PALLD: variants seen among roughly 807,000 people sequenced by gnomAD.
The protein encoded by PALLD is palladin, cytoskeletal associated protein, also known as palladin.
A neutral mutation model predicts 123.5 loss-of-function variants in PALLD; 61 were observed. The ratio of observed to expected loss-of-function variants is 0.49; its 90% CI spans 0.40 to 0.61. The LOEUF (loss-of-function observed/expected upper bound fraction) is 0.61. PALLD is among the 20% of genes least tolerant of loss of function. The pLI is 0.00. For synonymous variants in PALLD, 465 were observed against 496.4 expected (o/e 0.94, Z 0.84); for missense variants, 1,273 against 1,377.0 (o/e 0.92, Z 1.20).
chr4:168,544,221 T>C (rs1394175644), intron 2 of PALLD, among the ~76,000 whole-genome samples: 1 of 152,282 alleles, frequency 6.6e-6, no homozygotes, highest in East Asian at 1.9e-4. Context: ...GAAATTTAGT[T>C]CTAAGTGCAC....
At chr4:168,529,089 G>A (rs1199486080) in intron 2 of PALLD, among the ~76,000 whole-genome samples, 1 of 152,206 alleles carries the variant, frequency 6.6e-6, no homozygotes, top group African/African-American at 2.4e-5. Flanking sequence ...GCTCACACCT[G>A]TAATTCCAGC....
At chr4:168,673,147 C>G (rs562887079) in intron 3 of PALLD, among the ~76,000 whole-genome samples, 1 of 152,174 alleles carries the variant, frequency 6.6e-6, no homozygotes, top group Non-Finnish European at 1.5e-5. Context: ...GGTTCACCCT[C>G]GAGACACACA....
chr4:168,607,442 G>A (rs1164482928), intron 2 of PALLD, among the ~76,000 whole-genome samples: 3 of 152,142 alleles, frequency 2.0e-5, no homozygotes, highest in Non-Finnish European at 2.9e-5. Flanking sequence ...TTTGGCACTC[G>A]GTGTGAGCTT....
chr4:168,698,182 A>G lies in PALLD; in HGVS notation c.1501+6890A>G, dbSNP rs570315166. Among the ~76,000 whole-genome samples the G allele has an allele frequency of 2.4e-4, 36 of 152,322 alleles. No individual in the cohort carries two copies. In the South Asian group the frequency reaches 2.9e-3, roughly 12 times the overall value. On this transcript the variant is annotated intron_variant, in intron 8 of 21. Coordinates refer to ENST00000505667, the MANE Select transcript of PALLD (RefSeq NM_001166108.2). ...ATCTAAAAATCGAAACAGTAGAAGGATGGCTACCAGAGGCTGGGAGGGGTA... is the reference window on the plus strand; with the variant it reads ...ATCTAAAAATCGAAACAGTAGAAGGGTGGCTACCAGAGGCTGGGAGGGGTA...
chr4:168,507,262 G>C (rs1460211747), intron 1 of PALLD: 1 of 172,474 alleles, frequency 5.8e-6, no homozygotes, highest in Admixed American at 6.4e-5. Context: ...CTGTAACCCT[G>C]CCTCTGCATC....
At chr4:168,718,235 A>G (rs2150244683) in intron 10 of PALLD, among the ~76,000 whole-genome samples, 1 of 152,340 alleles carries the variant, frequency 6.6e-6, no homozygotes, top group South Asian at 2.1e-4. Flanking sequence ...TGACATTAGT[A>G]TACAAATGGT....
At chr4:168,913,884 T>C (rs191442335) in intron 15 of PALLD, 43 bp from the exon 16 acceptor site, 1 of 1,259,782 alleles carries the variant, frequency 7.9e-7, no homozygotes. Context: ...TAGTGGTTAA[T>C]AGTTTTAAAT....
intron 2 of PALLD, among the ~76,000 whole-genome samples, chr4:168,621,035 C>T (rs1580619364): frequency 6.6e-6 from 1 of 152,332 alleles, no homozygotes; most frequent in South Asian, 2.1e-4. Flanking sequence ...CACACGTTGA[C>T]AAGACCCATT....
intron 10 of PALLD, among the ~76,000 whole-genome samples, chr4:168,750,992 G>A (rs1730987758): frequency 6.6e-6 from 1 of 151,188 alleles, no homozygotes; most frequent in Admixed American, 6.6e-5. Context: ...ATATGTGTGT[G>A]TGTGTGTGTG....
intron 2 of PALLD, among the ~76,000 whole-genome samples, chr4:168,667,483 T>C (rs1389782908): frequency 6.6e-6 from 1 of 152,166 alleles, no homozygotes; most frequent in Non-Finnish European, 1.5e-5. Flanking sequence ...TTTGAGGTGC[T>C]GGGGGAAGAG....
chr4:168,537,503 T>A (rs1307326188), intron 2 of PALLD: 1 of 152,226 alleles, frequency 6.6e-6, no homozygotes, highest in African/African-American at 2.4e-5. Flanking sequence ...GTGCCATGTA[T>A]CACTTTGTAT....
Position 168,831,767 on chromosome 4 carries a change from G to A in PALLD, c.1965-59155G>A, listed in dbSNP as rs145960299. Among the ~76,000 whole-genome samples the A allele has an allele frequency of 1.1e-4, 17 of 152,260 alleles. No homozygotes were observed. In the East Asian group the frequency reaches 3.3e-3, roughly 29 times the overall value. On this transcript the variant is annotated intron_variant, in intron 10 of 21. Coordinates refer to ENST00000505667, the MANE Select transcript of PALLD (RefSeq NM_001166108.2). ...CGGAGGAGAATCATCCTAACAAGCC[G>A]ACAACATATCTATGGGCCTAAAAAA...
intron 10 of PALLD, among the ~76,000 whole-genome samples, chr4:168,874,231 C>T (rs1751447240): frequency 6.6e-6 from 1 of 152,122 alleles, no homozygotes; most frequent in Non-Finnish European, 1.5e-5. Context: ...TGACTCTAGC[C>T]CTTTTTGTCA....
At chr4:168,690,824 T>C in intron 7 of PALLD, 80 bp downstream of exon 7, 3 of 1,346,252 alleles carry the variant, frequency 2.2e-6, no homozygotes, top group South Asian at 2.3e-5. Context: ...GGCTAAGTCA[T>C]TAAGATGAAT....
intron 2 of PALLD, among the ~76,000 whole-genome samples, chr4:168,595,502 T>C (rs947112520): frequency 2.6e-5 from 4 of 152,154 alleles, no homozygotes; most frequent in Admixed American, 6.5e-5. Context: ...TTATTATGTA[T>C]AATTATACAG....
chr4:168,759,361 A>G (rs1041453833), intron 10 of PALLD, among the ~76,000 whole-genome samples: 1 of 151,198 alleles, frequency 6.6e-6, no homozygotes. Context: ...GCACAGTACC[A>G]TTCATGTGCA....
chr4:168,886,104 A>C (rs1290176255), intron 10 of PALLD, among the ~76,000 whole-genome samples: 1 of 152,234 alleles, frequency 6.6e-6, no homozygotes, highest in African/African-American at 2.4e-5. Context: ...TGTACTAAGA[A>C]GCAAAAACTA....
In PALLD at chr4:168,509,629, T is replaced by C. The variant is rs1043172572; in HGVS notation, c.-82-1794T>C. On this transcript the variant is annotated intron_variant, in intron 1 of 21. Transcript: ENST00000505667. ...GGGTTAGTAAAGTCAGGGAGAATGA[T>C]GACACCCTCTGAAGGATTAAGGATT... 2.6e-5 allele frequency among the ~76,000 whole-genome samples: 4 copies of C among 152,274 alleles called. No homozygotes were observed. In the East Asian group the frequency reaches 7.7e-4, roughly 29 times the overall value.
chr4:168,836,042 C>T (rs899126873), intron 10 of PALLD, among the ~76,000 whole-genome samples: 2 of 152,210 alleles, frequency 1.3e-5, no homozygotes, highest in Non-Finnish European at 2.9e-5. Context: ...TCTTCCTGCT[C>T]AGTCAGTGTT....
Sources: gnomAD v4.1 joint callset for allele counts (sites outside exome capture counted in the v4.1 genomes callset) on GRCh38, gnomAD v4.1.1 for gene constraint, MANE v1.5 for transcripts, NCBI Gene and HGNC (gene_info 2026-07-23, HGNC 2026-07-21) for gene names.